The following RUBCN variants were observed in gnomAD, a reference collection of about 807,000 sequenced individuals.
RUBCN encodes the protein run domain Beclin-1-interacting and cysteine-rich domain-containing protein.
In RUBCN, 74 loss-of-function variants were observed where a neutral mutation model predicts 113.2. The ratio of observed to expected loss-of-function variants is 0.65; its 90% CI spans 0.54 to 0.79. The LOEUF (loss-of-function observed/expected upper bound fraction) is 0.79, where lower values mean the gene tolerates loss of function less well. Ranked by LOEUF, RUBCN falls within the 30% of genes least tolerant of loss-of-function variation. The pLI is 0.00. For synonymous variants in RUBCN, 480 were observed against 490.0 expected (o/e 0.98, Z 0.27); for missense variants, 1,109 against 1,251.7 (o/e 0.89, Z 1.72).
intron 16 of RUBCN, among the ~76,000 whole-genome samples, chr3:197,679,564 A>G (rs1439609666): frequency 7.0e-6 from 1 of 142,852 alleles, no homozygotes; most frequent in Non-Finnish European, 1.5e-5. Flanking sequence ...CTGGCTCCAG[A>G]CTGTCCTATG....
chr3:197,680,756 A>G (rs1004721314), intron 16 of RUBCN, among the ~76,000 whole-genome samples: 1 of 152,020 alleles, frequency 6.6e-6, no homozygotes, highest in Non-Finnish European at 1.5e-5. Flanking sequence ...TCATTCATTC[A>G]CTAATGTTTT....
At chr3:197,678,461 A>G (rs1434248498) in intron 16 of RUBCN, among the ~76,000 whole-genome samples, 4 of 145,462 alleles carry the variant, frequency 2.7e-5, no homozygotes, top group Non-Finnish European at 4.5e-5. Context: ...CTAACTGACA[A>G]CTGGCTTCAG....
At chr3:197,698,751 G>A (rs548538818) in intron 7 of RUBCN, among the ~76,000 whole-genome samples, 4 of 150,002 alleles carry the variant, frequency 2.7e-5, no homozygotes, top group African/African-American at 7.4e-5. Context: ...CCCAGCACTC[G>A]GGAGGCCAAG....
rs995494087 is a variant in RUBCN, at chr3:197,668,883, A to G, written c.*6135T>C. Among the ~76,000 whole-genome samples the G allele has an allele frequency of 1.3e-5, 2 of 152,180 alleles. No homozygotes were observed. The highest frequency in any genetic ancestry group is 2.9e-5 in the Non-Finnish European group (2 of 68,022). On this transcript the variant is annotated 3_prime_UTR_variant, in exon 20 of 20. Transcript: ENST00000296343. ...AAGAATCTCTAAAATTAACTCTTTA[A>G]TTTATGGAAAATGACTCATTTACAG...
chr3:197,717,713 G>A (rs1188327755), intron 2 of RUBCN, among the ~76,000 whole-genome samples: 1 of 152,180 alleles, frequency 6.6e-6, no homozygotes, highest in Non-Finnish European at 1.5e-5. Flanking sequence ...GTAGTTACTT[G>A]TTACAGCAAC....
chr3:197,712,829 CT>C (rs901913849), intron 2 of RUBCN, among the ~76,000 whole-genome samples: 6 of 151,648 alleles, frequency 4.0e-5, no homozygotes, highest in African/African-American at 1.5e-4. Flanking sequence ...ATTTTTCATT[CT>C]GATGACCAGA....
chr3:197,726,850 G>C (rs1171561162), intron 1 of RUBCN, among the ~76,000 whole-genome samples: 1 of 151,522 alleles, frequency 6.6e-6, no homozygotes, highest in Admixed American at 6.6e-5. Context: ...GGAAGAAAAT[G>C]TCACCCAGTA....
intron 1 of RUBCN, among the ~76,000 whole-genome samples, chr3:197,718,697 C>T (rs1195278153): frequency 6.6e-6 from 1 of 152,136 alleles, no homozygotes; most frequent in Middle Eastern, 3.2e-3. Flanking sequence ...CCTCGGCCTC[C>T]CAGAGAGCTG....
upstream of RUBCN, among the ~76,000 whole-genome samples, chr3:197,739,760 A>T (rs1376468729): frequency 2.0e-5 from 3 of 152,130 alleles, no homozygotes; most frequent in African/African-American, 7.2e-5. Flanking sequence ...CCTAGGGGCC[A>T]GAAGCGGTGG....
At chr3:197,692,294 G>A (rs1722510408) in intron 11 of RUBCN, among the ~76,000 whole-genome samples, 3 of 152,010 alleles carry the variant, frequency 2.0e-5, no homozygotes, top group African/African-American at 4.8e-5. Context: ...CACGGGGGCA[G>A]GACGAGTTCC....
rs1340622687 is a variant in RUBCN, at chr3:197,674,826, C to T, written c.*192G>A. 1.8e-6 allele frequency: 1 copy of T among 564,414 alleles called. No individual in the cohort carries two copies. Among genetic ancestry groups the T allele is most frequent in the Non-Finnish European group, 3.1e-6 (1 of 326,136 alleles). 35.0% of individuals were successfully genotyped at this position (564,414 alleles called of 1,614,324 possible). On this transcript the variant is annotated 3_prime_UTR_variant, in exon 20 of 20. Transcript: ENST00000296343. ...TACAAATTATCTGTCACCACAGACT[C>T]TGGACCCATCAACCTGCCGACGGCT...
intron 2 of RUBCN, among the ~76,000 whole-genome samples, chr3:197,707,077 C>T (rs1476150962): frequency 2.1e-5 from 3 of 143,836 alleles, no homozygotes; most frequent in Non-Finnish European, 4.4e-5. Context: ...GGCGCGGTGG[C>T]TCACGCCTGT....
intron 11 of RUBCN, among the ~76,000 whole-genome samples, chr3:197,690,426 G>A (rs1213511839): frequency 8.5e-5 from 13 of 152,188 alleles, no homozygotes; most frequent in African/African-American, 1.7e-4. Flanking sequence ...CAACAAGAGC[G>A]AAACTCCGTC....
intron 1 of RUBCN, among the ~76,000 whole-genome samples, chr3:197,720,414 T>A (rs1394952574): frequency 7.1e-6 from 1 of 140,858 alleles, no homozygotes; most frequent in African/African-American, 2.5e-5. Flanking sequence ...TTGACGGACA[T>A]TTTTTTTTTT....
chr3:197,719,622 C>T (rs1725926693), intron 1 of RUBCN, among the ~76,000 whole-genome samples: 1 of 152,052 alleles, frequency 6.6e-6, no homozygotes, highest in Admixed American at 6.6e-5. Context: ...CTATAATTTC[C>T]TCTGGACAAA....
chr3:197,733,585 C>A (rs2109007192), intron 1 of RUBCN, among the ~76,000 whole-genome samples: 1 of 152,216 alleles, frequency 6.6e-6, no homozygotes, highest in Non-Finnish European at 1.5e-5. Flanking sequence ...TTGCAGTAAC[C>A]CAGTCACAAA....
intron 1 of RUBCN, among the ~76,000 whole-genome samples, chr3:197,745,135 T>C (rs1180902473): frequency 6.6e-6 from 1 of 150,842 alleles, no homozygotes; most frequent in Non-Finnish European, 1.5e-5. Flanking sequence ...AAATATAAAA[T>C]TTAGCCAGGC....
chr3:197,741,971 C>T (rs937644023), intron 1 of RUBCN, among the ~76,000 whole-genome samples: 8 of 151,606 alleles, frequency 5.3e-5, no homozygotes, highest in Admixed American at 2.6e-4. Flanking sequence ...AATCTTGGCT[C>T]ACTGCAACCT....
chr3:197,726,481 C>T (rs529291428), intron 1 of RUBCN, among the ~76,000 whole-genome samples: 3 of 151,796 alleles, frequency 2.0e-5, no homozygotes, highest in South Asian at 2.1e-4. Flanking sequence ...CTCCTGACCT[C>T]GTGATCCACC....
Sources: gnomAD v4.1 joint callset for allele counts (sites outside exome capture counted in the v4.1 genomes callset) on GRCh38, gnomAD v4.1.1 for gene constraint, MANE v1.5 for transcripts, NCBI Gene and HGNC (gene_info 2026-07-23, HGNC 2026-07-21) for gene names.